MARCHF1: variants seen among roughly 807,000 people sequenced by gnomAD.
The protein encoded by MARCHF1 is E3 ubiquitin-protein ligase MARCHF1.
A neutral mutation model predicts 54.2 loss-of-function variants in MARCHF1; 40 were observed. The ratio of observed to expected loss-of-function variants is 0.74; its 90% CI spans 0.57 to 0.96. The LOEUF (loss-of-function observed/expected upper bound fraction) is 0.96, where lower values mean the gene tolerates loss of function less well. Ranked by LOEUF, MARCHF1 falls within the 40% of genes least tolerant of loss-of-function variation. The probability of loss-of-function intolerance (pLI) is 0.00; values close to 1 mark genes in which losing one functional copy is unlikely to be tolerated. For synonymous variants in MARCHF1, 236 were observed against 236.3 expected, an observed-to-expected ratio of 1.00 and a Z score of 0.01; for missense variants, 586 against 656.5, an observed-to-expected ratio of 0.89 and a Z score of 1.17.
chr4:164,084,594 AT>A (rs1391288925), intron 2 of MARCHF1, among the ~76,000 whole-genome samples: 6 of 151,906 alleles, frequency 3.9e-5, no homozygotes, highest in African/African-American at 1.4e-4. Flanking sequence ...CTAAGCTACC[AT>A]TTTATATAAA....
At chr4:164,228,557 G>C (rs1732323168) in intron 1 of MARCHF1, among the ~76,000 whole-genome samples, 1 of 152,062 alleles carries the variant, frequency 6.6e-6, no homozygotes, top group South Asian at 2.1e-4. Context: ...AGAAAAACAT[G>C]TTTTTCTTAA....
At chr4:163,826,736 G>A (rs1185043691) in intron 4 of MARCHF1, among the ~76,000 whole-genome samples, 1 of 151,986 alleles carries the variant, frequency 6.6e-6, no homozygotes, top group Admixed American at 6.6e-5. Context: ...AATAATAAGA[G>A]AGGACTTGCT....
rs57433858 is a variant in MARCHF1 at position 164,109,912 on chromosome 4, T to TAAAA, written c.-248+1672_-248+1675dup. ...CATACCCCTGAACCTAAAATAAAAGTAAAAAAAAAAAAAAAAAAAAAAAAG... is the reference window on the plus strand; with the variant it reads ...CATACCCCTGAACCTAAAATAAAAGTAAAAAAAAAAAAAAAAAAAAAAAAAAAAG... On this transcript the variant is annotated intron_variant, in intron 2 of 9. Coordinates refer to ENST00000514618, the MANE Select transcript of MARCHF1 (RefSeq NM_001394959.1). 8.6e-3 allele frequency among the ~76,000 whole-genome samples: 541 copies of TAAAA among 63,120 alleles called. 21 individuals carry two copies. The highest frequency in any genetic ancestry group is 0.012 in the African/African-American group (184 of 15,052). The allele number at this position is 63,120 out of a possible 152,430, so 41.4% of individuals were successfully genotyped here.
chr4:163,597,483 A>G (rs1438099274), intron 7 of MARCHF1, among the ~76,000 whole-genome samples: 2 of 152,230 alleles, frequency 1.3e-5, no homozygotes, highest in Non-Finnish European at 2.9e-5. Flanking sequence ...CTCAAAACAC[A>G]GTAAAATCTT....
chr4:163,803,343 T>C (rs1748135236), intron 4 of MARCHF1, among the ~76,000 whole-genome samples: 1 of 152,110 alleles, frequency 6.6e-6, no homozygotes, highest in South Asian at 2.1e-4. Context: ...CTGGCTAATT[T>C]TGTATTTTTA....
At chr4:163,910,449 A>C (rs1389675725) in intron 3 of MARCHF1, among the ~76,000 whole-genome samples, 4 of 152,116 alleles carry the variant, frequency 2.6e-5, no homozygotes, top group Non-Finnish European at 4.4e-5. Context: ...TATGCCATTC[A>C]AGTGACCCCA....
intron 8 of MARCHF1, among the ~76,000 whole-genome samples, chr4:163,575,834 G>C (rs563674286): frequency 6.6e-6 from 1 of 152,114 alleles, no homozygotes; most frequent in African/African-American, 2.4e-5. Context: ...TGTGTGCACA[G>C]AGGTGTCCAT....
chr4:163,707,069 C>T (rs901765389), intron 4 of MARCHF1, among the ~76,000 whole-genome samples: 1 of 152,052 alleles, frequency 6.6e-6, no homozygotes, highest in Non-Finnish European at 1.5e-5. Flanking sequence ...AGACTTCTAT[C>T]ACTTAGCATA....
chr4:163,970,322 C>T (rs934695154), intron 3 of MARCHF1, among the ~76,000 whole-genome samples: 2 of 152,166 alleles, frequency 1.3e-5, no homozygotes, highest in East Asian at 1.9e-4. Flanking sequence ...CTTCAATTAT[C>T]CTGTCCTCCC....
chr4:164,030,650 CAGGAAGCA>C (rs1251445848), intron 2 of MARCHF1, among the ~76,000 whole-genome samples: 3 of 152,128 alleles, frequency 2.0e-5, no homozygotes, highest in African/African-American at 4.8e-5. Context: ...GTCAGGTATG[CAGGAAGCA>C]CTGAGGAAAT....
At chr4:163,716,031 C>T (rs978357857) in intron 4 of MARCHF1, among the ~76,000 whole-genome samples, 3 of 152,108 alleles carry the variant, frequency 2.0e-5, no homozygotes, top group African/African-American at 4.8e-5. Flanking sequence ...CATCAAAATA[C>T]GGGTGATCCA....
At chr4:163,939,108 T>A (rs931476279) in intron 3 of MARCHF1, among the ~76,000 whole-genome samples, 5 of 152,300 alleles carry the variant, frequency 3.3e-5, no homozygotes, top group East Asian at 1.9e-4. Context: ...AGACTTTATA[T>A]TTGAAATGCC....
chr4:163,904,763 A>AGAGACAGAGGC (rs374872263), intron 3 of MARCHF1, among the ~76,000 whole-genome samples: 1 of 151,466 alleles, frequency 6.6e-6, no homozygotes, highest in African/African-American at 2.4e-5. Context: ...AGGAGAGAGA[A>AGAGACAGAGGC]AGAGACAGAG....
At chr4:164,027,205 C>G in intron 2 of MARCHF1, among the ~76,000 whole-genome samples, 1 of 151,200 alleles carries the variant, frequency 6.6e-6, no homozygotes, top group East Asian at 1.9e-4. Flanking sequence ...AAACTACCAG[C>G]ATAATTTTTC....
chr4:163,582,956 A>G (rs766905707), intron 8 of MARCHF1, among the ~76,000 whole-genome samples: 3 of 152,174 alleles, frequency 2.0e-5, no homozygotes, highest in Non-Finnish European at 2.9e-5. Context: ...TTTAAAGGAG[A>G]AAGTGAGACG....
At chr4:164,376,949 C>A (rs1216029761) in intron 1 of MARCHF1, among the ~76,000 whole-genome samples, 1 of 152,140 alleles carries the variant, frequency 6.6e-6, no homozygotes, top group Admixed American at 6.5e-5. Context: ...CCACAGTCAG[C>A]CCCAATGAGC....
Position 163,585,731 on chromosome 4 carries a change from T to C in MARCHF1, c.1191+18A>G. 1 of 1,529,928 alleles carries C rather than the reference T, an allele frequency of 6.5e-7. No individual in the cohort carries two copies. Among genetic ancestry groups the C allele is most frequent in the Non-Finnish European group, 8.8e-7 (1 of 1,136,066 alleles). 94.8% of individuals were successfully genotyped at this position (1,529,928 alleles called of 1,614,324 possible). Reference sequence around the variant, plus strand: ...TTGCAAATGGTCCCTCCCAAACCAATTCCTATGGATACTGTACCTTCCGGA... The same window carrying C: ...TTGCAAATGGTCCCTCCCAAACCAACTCCTATGGATACTGTACCTTCCGGA... On this transcript the variant is annotated intron_variant, in intron 8 of 9. Transcript: ENST00000514618.
intron 1 of MARCHF1, among the ~76,000 whole-genome samples, chr4:164,143,478 C>G (rs1756603111): frequency 6.6e-6 from 1 of 150,990 alleles, no homozygotes; most frequent in East Asian, 1.9e-4. Context: ...GATCTCTCGG[C>G]AGAAACTCTA....
intron 1 of MARCHF1, among the ~76,000 whole-genome samples, chr4:164,212,237 C>T (rs1048227090): frequency 2.0e-5 from 3 of 152,146 alleles, no homozygotes; most frequent in Non-Finnish European, 4.4e-5. Context: ...ACACAAAGCT[C>T]TGGCACACAT....
Sources: gnomAD v4.1 joint callset for allele counts (sites outside exome capture counted in the v4.1 genomes callset) on GRCh38, gnomAD v4.1.1 for gene constraint, MANE v1.5 for transcripts, NCBI Gene and HGNC (gene_info 2026-07-23, HGNC 2026-07-21) for gene names.